Variants in PTN observed in about 807,000 individuals in gnomAD.
The protein encoded by PTN is pleiotrophin, also known as heparin affin regulatory protein.
Under a neutral mutation model 24.1 loss-of-function variants are expected in PTN, and 18 were observed. That is an observed-to-expected ratio of 0.75 (90% CI 0.52 to 1.11). The LOEUF (loss-of-function observed/expected upper bound fraction) is 1.11. Among genes scored for constraint, PTN ranks in the 50% least tolerant of loss-of-function variants. The pLI is 0.00. For missense variants in PTN, 163 were observed against 198.8 expected (o/e 0.82, Z 1.08); for synonymous variants, 78 against 68.6 (o/e 1.14, Z -0.67).
intron 1 of PTN, among the ~76,000 whole-genome samples, chr7:137,309,136 C>T (rs1809937499): frequency 6.6e-6 from 1 of 152,112 alleles, no homozygotes; most frequent in Admixed American, 6.5e-5. Flanking sequence ...GGGTTCCAGA[C>T]CACTGCAATT....
intron 1 of PTN, among the ~76,000 whole-genome samples, chr7:137,281,363 T>C (rs1040624116): frequency 2.6e-5 from 4 of 152,202 alleles, no homozygotes; most frequent in Non-Finnish European, 5.9e-5. Flanking sequence ...ATCTCACTGC[T>C]TCCATTCATG....
intron 1 of PTN, among the ~76,000 whole-genome samples, chr7:137,321,142 G>A (rs1056370337): frequency 1.3e-5 from 2 of 152,104 alleles, no homozygotes; most frequent in Admixed American, 1.3e-4. Context: ...GCTGCAGGTG[G>A]TACTGAATTA....
At chr7:137,302,945 C>A (rs537430051) in intron 1 of PTN, among the ~76,000 whole-genome samples, 1 of 150,308 alleles carries the variant, frequency 6.7e-6, no homozygotes, top group African/African-American at 2.5e-5. Flanking sequence ...CTTGTATGGT[C>A]TCAAAAAGAA....
intron 1 of PTN, among the ~76,000 whole-genome samples, chr7:137,266,662 T>G (rs1013293182): frequency 1.3e-5 from 2 of 149,068 alleles, no homozygotes; most frequent in Non-Finnish European, 1.5e-5. Flanking sequence ...ACCATTCTGT[T>G]TTTTTTTTTT....
At chr7:137,229,088 T>C (rs1808385403) in intron 4 of PTN, among the ~76,000 whole-genome samples, 2 of 151,938 alleles carry the variant, frequency 1.3e-5, no homozygotes, top group South Asian at 2.1e-4. Flanking sequence ...AAAAGTACCA[T>C]AGCATATGAT....
intron 1 of PTN, among the ~76,000 whole-genome samples, chr7:137,335,316 T>C (rs894619016): frequency 6.6e-6 from 1 of 151,836 alleles, no homozygotes. Flanking sequence ...GAAGCACTGG[T>C]AAGGAGGCCC....
intron 1 of PTN, among the ~76,000 whole-genome samples, chr7:137,316,374 T>C (rs188467594): frequency 3.3e-4 from 50 of 152,284 alleles, no homozygotes; most frequent in Admixed American, 2.8e-3. Flanking sequence ...CCCGAGAATT[T>C]TGATCTTGAG....
At chr7:137,317,526 T>C (rs1156669034) in intron 1 of PTN, among the ~76,000 whole-genome samples, 1 of 152,138 alleles carries the variant, frequency 6.6e-6, no homozygotes, top group Non-Finnish European at 1.5e-5. Context: ...AGTGCCATCT[T>C]TGGGAAATTC....
At chr7:137,284,295 T>C (rs1168453696) in intron 1 of PTN, among the ~76,000 whole-genome samples, 1 of 152,128 alleles carries the variant, frequency 6.6e-6, no homozygotes, top group Non-Finnish European at 1.5e-5. Flanking sequence ...AATTGATTGC[T>C]TCCTGACCCT....
intron 1 of PTN, among the ~76,000 whole-genome samples, chr7:137,268,542 G>C (rs973096296): frequency 2.6e-5 from 4 of 152,166 alleles, no homozygotes; most frequent in Non-Finnish European, 4.4e-5. Context: ...CAAGCCAGGG[G>C]GTACGTGATA....
intron 1 of PTN, among the ~76,000 whole-genome samples, chr7:137,340,003 T>G (rs895130970): frequency 6.6e-6 from 1 of 152,240 alleles, no homozygotes; most frequent in African/African-American, 2.4e-5. Flanking sequence ...TGTTACACTA[T>G]GTGTGAAGTT....
At chr7:137,309,059 G>C (rs1809935924) in intron 1 of PTN, among the ~76,000 whole-genome samples, 1 of 152,144 alleles carries the variant, frequency 6.6e-6, no homozygotes, top group Non-Finnish European at 1.5e-5. Flanking sequence ...CAATTTCTCT[G>C]TGACCTGGAG....
chr7:137,306,916 C>T (rs927426468), intron 1 of PTN, among the ~76,000 whole-genome samples: 1 of 152,018 alleles, frequency 6.6e-6, no homozygotes, highest in Non-Finnish European at 1.5e-5. Context: ...GCTGGCTTTA[C>T]TATTCCCTGG....
chr7:137,262,415 C>T (rs1809057364), intron 1 of PTN, among the ~76,000 whole-genome samples: 1 of 152,084 alleles, frequency 6.6e-6, no homozygotes, highest in Non-Finnish European at 1.5e-5. Flanking sequence ...TTTGTCACCT[C>T]ATTGCTGAGT....
At chr7:137,251,154 T>A in intron 4 of PTN, 76 bp downstream of exon 4, 1 of 1,512,564 alleles carries the variant, frequency 6.6e-7, no homozygotes, top group Non-Finnish European at 9.1e-7. Flanking sequence ...TATTTCCTTC[T>A]GGAAAATGTG....
intron 1 of PTN, among the ~76,000 whole-genome samples, chr7:137,287,412 A>G (rs1809574268): frequency 6.6e-6 from 1 of 152,148 alleles, no homozygotes; most frequent in Non-Finnish European, 1.5e-5. Flanking sequence ...CTTTCTGCTT[A>G]GGGTCACCCA....
chr7:137,245,524 G>C (rs142316398), intron 4 of PTN, among the ~76,000 whole-genome samples: 2 of 152,228 alleles, frequency 1.3e-5, no homozygotes, highest in African/African-American at 4.8e-5. Flanking sequence ...ACTTGAGAGT[G>C]ATAATAAATG....
In PTN at chr7:137,278,945, C is replaced by CAATAATAATAATAAT. The variant is rs59932923; in HGVS notation, c.-1-23986_-1-23972dup. On this transcript the variant is annotated intron_variant, in intron 1 of 4. Coordinates refer to ENST00000348225, the MANE Select transcript of PTN (RefSeq NM_002825.7). ...GACAAAGTGAGACTCCATCTCAGAA[C>CAATAATAATAATAAT]AATAATAATAATAATAATAATAATA... Among the ~76,000 whole-genome samples the CAATAATAATAATAAT allele has an allele frequency of 6.8e-3, 909 of 134,270 alleles. 3 individuals are homozygous for CAATAATAATAATAAT. The highest frequency in any genetic ancestry group is 7.6e-3 in the Non-Finnish European group (494 of 64,968). The allele number at this position is 134,270 out of a possible 152,430, so 88.1% of individuals were successfully genotyped here.
intron 4 of PTN, among the ~76,000 whole-genome samples, chr7:137,237,071 T>C (rs997962511): frequency 2.0e-5 from 3 of 152,206 alleles, no homozygotes; most frequent in Admixed American, 6.6e-5. Flanking sequence ...TGGCCTGACT[T>C]GCATCCCTCC....
Sources: gnomAD v4.1 joint callset for allele counts (sites outside exome capture counted in the v4.1 genomes callset) on GRCh38, gnomAD v4.1.1 for gene constraint, MANE v1.5 for transcripts, NCBI Gene and HGNC (gene_info 2026-07-23, HGNC 2026-07-21) for gene names.